Variants in RANBP17 observed in about 807,000 individuals in gnomAD.
RANBP17 encodes ran-binding protein 17.
In RANBP17, 158 loss-of-function variants were observed where a neutral mutation model predicts 141.2. The observed-to-expected ratio is 1.12, with a 90% CI of 0.98 to 1.28. RANBP17 has a LOEUF of 1.28. RANBP17 is among the 50% of genes most tolerant of loss of function. The pLI, the probability that RANBP17 is intolerant of heterozygous loss-of-function variation, is 0.00. For missense variants in RANBP17, 1,438 were observed against 1,290.7 expected, an observed-to-expected ratio of 1.11 and a Z score of -1.75; for synonymous variants, 430 against 450.0, an observed-to-expected ratio of 0.96 and a Z score of 0.56.
chr5:170,916,103 T>C (rs1771930818), intron 8 of RANBP17, among the ~76,000 whole-genome samples: 1 of 149,594 alleles, frequency 6.7e-6, no homozygotes, highest in Non-Finnish European at 1.5e-5. Context: ...TGCATTATCA[T>C]GCGTTATATT....
At chr5:171,206,992 GC>G (rs1412487324) in intron 20 of RANBP17, 3 of 175,878 alleles carry the variant, frequency 1.7e-5, no homozygotes, top group African/African-American at 7.1e-5. Context: ...TTTTATTTCT[GC>G]CTTTTTTTTA....
chr5:171,265,972 A>T (rs1416784662), intron 25 of RANBP17, 125 bp downstream of exon 25: 1 of 733,756 alleles, frequency 1.4e-6, no homozygotes, highest in East Asian at 2.8e-5. Flanking sequence ...ATATATATAT[A>T]TATTGTCTGG....
At chr5:170,905,479 T>G (rs1177977007) in intron 5 of RANBP17, among the ~76,000 whole-genome samples, 1 of 152,158 alleles carries the variant, frequency 6.6e-6, no homozygotes, top group Non-Finnish European at 1.5e-5. Context: ...TTTCTACTTG[T>G]GTTCAATCAG....
At chr5:171,297,562 G>A (rs528080599) in intron 27 of RANBP17, among the ~76,000 whole-genome samples, 4 of 152,094 alleles carry the variant, frequency 2.6e-5, no homozygotes, top group Middle Eastern at 3.4e-3. Context: ...ATATTCCCTT[G>A]ACTGCTCACT....
At chr5:170,881,740 A>G (rs902957305) in intron 2 of RANBP17, 66 bp from the exon 3 acceptor site, 2 of 1,132,648 alleles carry the variant, frequency 1.8e-6, no homozygotes, top group Non-Finnish European at 1.2e-6. Context: ...TTAGAAGAAC[A>G]TCTCTATCAC....
chr5:170,943,128 T>G (rs957342174), intron 12 of RANBP17, among the ~76,000 whole-genome samples: 2 of 152,196 alleles, frequency 1.3e-5, no homozygotes, highest in African/African-American at 4.8e-5. Flanking sequence ...CTCAAAATGA[T>G]CATTTTATAT....
chr5:170,988,771 G>A (rs1778319307), intron 14 of RANBP17, among the ~76,000 whole-genome samples: 1 of 151,650 alleles, frequency 6.6e-6, no homozygotes, highest in South Asian at 2.1e-4. Flanking sequence ...AATAAGGATG[G>A]ATGTTGTTGA....
intron 5 of RANBP17, among the ~76,000 whole-genome samples, chr5:170,905,356 A>G (rs1001285959): frequency 6.6e-6 from 1 of 152,178 alleles, no homozygotes; most frequent in Non-Finnish European, 1.5e-5. Context: ...ATGCATGTCC[A>G]TGCACACATA....
chr5:171,125,935 G>A (rs781612354), intron 14 of RANBP17, among the ~76,000 whole-genome samples: 8 of 151,850 alleles, frequency 5.3e-5, no homozygotes, highest in African/African-American at 1.9e-4. Flanking sequence ...TTACAGGCGC[G>A]CACCACCACA....
At chr5:171,132,068 G>T (rs1325835029) in intron 14 of RANBP17, among the ~76,000 whole-genome samples, 1 of 152,098 alleles carries the variant, frequency 6.6e-6, no homozygotes, top group African/African-American at 2.4e-5. Context: ...TCTCCATGGA[G>T]CCAAGCAGTA....
chr5:171,016,911 A>T (rs943672100), intron 14 of RANBP17, among the ~76,000 whole-genome samples: 11 of 40,740 alleles, frequency 2.7e-4, no homozygotes, highest in South Asian at 1.3e-3. Context: ...TTGCCCCCCC[A>T]CCCCCCAACA....
At chr5:171,220,487 T>C (rs1378040644) in intron 21 of RANBP17, among the ~76,000 whole-genome samples, 1 of 148,512 alleles carries the variant, frequency 6.7e-6, no homozygotes, top group Non-Finnish European at 1.5e-5. Context: ...CTCACCTTGT[T>C]GCCCAGGCTG....
intron 5 of RANBP17, 124 bp downstream of exon 5, chr5:170,896,239 GT>G (rs1398484994): frequency 3.1e-6 from 2 of 643,016 alleles, no homozygotes; most frequent in East Asian, 5.8e-5. Flanking sequence ...GAATAATCAA[GT>G]TTTTTGTGTG....
intron 14 of RANBP17, among the ~76,000 whole-genome samples, chr5:171,135,074 G>T (rs1757176863): frequency 6.6e-6 from 1 of 151,844 alleles, no homozygotes. Flanking sequence ...TTCAAGACCA[G>T]CCTGGCCAAC....
At chr5:171,260,170 G>A (rs1270880572) in intron 24 of RANBP17, among the ~76,000 whole-genome samples, 1 of 151,152 alleles carries the variant, frequency 6.6e-6, no homozygotes, top group Non-Finnish European at 1.5e-5. Context: ...CGTGGTGGCA[G>A]GCACCTGTAA....
At chr5:171,000,988 T>G (rs1407439494) in intron 14 of RANBP17, among the ~76,000 whole-genome samples, 1 of 152,190 alleles carries the variant, frequency 6.6e-6, no homozygotes, top group African/African-American at 2.4e-5. Flanking sequence ...GATGTATATG[T>G]GCAGGTCACG....
At chr5:171,055,904 A>C (rs898726895) in intron 14 of RANBP17, among the ~76,000 whole-genome samples, 21 of 147,100 alleles carry the variant, frequency 1.4e-4, no homozygotes, top group Non-Finnish European at 2.3e-4. Context: ...AAACAAAAAA[A>C]AAAACATTCT....
At chr5:171,127,925 C>T (rs1756611845) in intron 14 of RANBP17, among the ~76,000 whole-genome samples, 1 of 152,166 alleles carries the variant, frequency 6.6e-6, no homozygotes, top group South Asian at 2.1e-4. Context: ...CTTTGGGAGG[C>T]CGAGGCGGGC....
chr5:171,038,163 TGTGTG>T (rs1193780776), intron 14 of RANBP17, among the ~76,000 whole-genome samples: 16 of 17,240 alleles, frequency 9.3e-4, no homozygotes, highest in Admixed American at 1.5e-3. Flanking sequence ...TCTTAGGTAT[TGTGTG>T]TGTGTGTGTG....
Sources: gnomAD v4.1 joint callset for allele counts (sites outside exome capture counted in the v4.1 genomes callset) on GRCh38, gnomAD v4.1.1 for gene constraint, MANE v1.5 for transcripts, NCBI Gene and HGNC (gene_info 2026-07-23, HGNC 2026-07-21) for gene names.